The following JAZF1 variants were observed in gnomAD, a reference collection of about 807,000 sequenced individuals.
The protein encoded by JAZF1 is juxtaposed with another zinc finger protein 1.
Under a neutral mutation model 26.4 loss-of-function variants are expected in JAZF1, and 8 were observed. The observed-to-expected ratio is 0.30, with a 90% confidence interval of 0.18 to 0.55. JAZF1 has a LOEUF of 0.55. Ranked by LOEUF, JAZF1 falls within the 20% of genes least tolerant of loss-of-function variation. The pLI is 0.94. For missense variants in JAZF1, 199 were observed against 322.0 expected, an observed-to-expected ratio of 0.62 and a Z score of 2.92; for synonymous variants, 126 against 122.3, an observed-to-expected ratio of 1.03 and a Z score of -0.20.
intron 2 of JAZF1, among the ~76,000 whole-genome samples, chr7:27,959,262 G>C (rs1273694110): frequency 6.6e-6 from 1 of 152,142 alleles, no homozygotes; most frequent in Non-Finnish European, 1.5e-5. Flanking sequence ...AATACTTCTA[G>C]GCTAGTCATT....
chr7:28,117,214 ATACTT>A (rs1784761076), intron 1 of JAZF1, among the ~76,000 whole-genome samples: 1 of 152,106 alleles, frequency 6.6e-6, no homozygotes, highest in Non-Finnish European at 1.5e-5. Context: ...TCAGGTAAAA[ATACTT>A]TATTTGAATT....
intron 2 of JAZF1, among the ~76,000 whole-genome samples, chr7:27,901,847 G>T (rs1179642096): frequency 6.6e-6 from 1 of 152,126 alleles, no homozygotes; most frequent in Non-Finnish European, 1.5e-5. Flanking sequence ...CACTGCTAGG[G>T]TCCTTCCCAG....
At chr7:28,089,034 T>A (rs1426062979) in intron 1 of JAZF1, among the ~76,000 whole-genome samples, 1 of 152,122 alleles carries the variant, frequency 6.6e-6, no homozygotes, top group Admixed American at 6.5e-5. Context: ...CAAGACATAA[T>A]CTCCCATTTG....
intron 1 of JAZF1, among the ~76,000 whole-genome samples, chr7:28,092,143 A>G (rs1028478854): frequency 6.6e-6 from 1 of 152,026 alleles, no homozygotes; most frequent in Admixed American, 6.6e-5. Context: ...ATTTGTGTAT[A>G]TATGTAGACA....
chr7:27,832,225 C>T lies in JAZF1; in HGVS notation c.*575G>A, dbSNP rs73297549. ...ATAAAACACAGAAAGCACACCTTTACGTATGTTATTTAAATATGAAAATAT... is the reference window on the plus strand; with the variant it reads ...ATAAAACACAGAAAGCACACCTTTATGTATGTTATTTAAATATGAAAATAT... On this transcript the variant is annotated 3_prime_UTR_variant, in exon 5 of 5. Coordinates refer to ENST00000283928, the MANE Select transcript of JAZF1 (RefSeq NM_175061.4). 1,037 of 210,802 alleles carry T rather than the reference C, an allele frequency of 4.9e-3. 11 individuals carry two copies. The highest frequency in any genetic ancestry group is 0.022 in the African/African-American group (986 of 44,088). The allele number at this position is 210,802 out of a possible 1,614,324, so 13.1% of individuals were successfully genotyped here. A position where few individuals can be genotyped will look rare whatever the true frequency, so the allele number is the denominator to read the frequency against.
At chr7:27,838,428 C>T (rs1330221094) in intron 4 of JAZF1, among the ~76,000 whole-genome samples, 1 of 152,078 alleles carries the variant, frequency 6.6e-6, no homozygotes, top group African/African-American at 2.4e-5. Context: ...CTGTCTGATC[C>T]GTAAATGCCA....
At chr7:27,845,622 G>A (rs1266574508) in intron 3 of JAZF1, among the ~76,000 whole-genome samples, 4 of 150,256 alleles carry the variant, frequency 2.7e-5, no homozygotes, top group Non-Finnish European at 5.9e-5. Flanking sequence ...GCTTGAACCC[G>A]GGAGGCAGAG....
intron 2 of JAZF1, among the ~76,000 whole-genome samples, chr7:27,936,969 TA>T (rs1296593991): frequency 3.3e-5 from 5 of 152,250 alleles, no homozygotes; most frequent in African/African-American, 1.2e-4. Context: ...GCAAGTTAAA[TA>T]GATGCTTGGG....
At chr7:27,850,762 TTTTCTTTATCAAGG>T (rs1409828196) in intron 3 of JAZF1, among the ~76,000 whole-genome samples, 5 of 152,088 alleles carry the variant, frequency 3.3e-5, no homozygotes, top group African/African-American at 4.8e-5. Flanking sequence ...ATCATGACCT[TTTTCTTTATCAAGG>T]TTTCTTTATC....
rs201890931 is a variant in JAZF1 at position 28,093,668 on chromosome 7, G to A, written c.115+86795C>T. Among the ~76,000 whole-genome samples, 16 of 152,256 alleles carry A rather than the reference G, an allele frequency of 1.1e-4. No individual in the cohort carries two copies. In the East Asian group the frequency reaches 2.7e-3, roughly 26 times the overall value. On this transcript the variant is annotated intron_variant, in intron 1 of 4. Transcript: ENST00000283928. ...TAAAATCCAGTCAGCTCTCTCAGGC[G>A]GCGCGTTCACTGGGTTGTTTTGCCC...
chr7:28,090,206 G>A (rs1280333297), intron 1 of JAZF1, among the ~76,000 whole-genome samples: 4 of 152,186 alleles, frequency 2.6e-5, no homozygotes, highest in Admixed American at 2.6e-4. Flanking sequence ...CTATAGTGAA[G>A]ATTGGATAAG....
intron 2 of JAZF1, among the ~76,000 whole-genome samples, chr7:27,952,554 T>G (rs561914279): frequency 6.6e-6 from 1 of 152,230 alleles, no homozygotes. Context: ...GAAATACAGA[T>G]CTGGCTACAA....
At chr7:27,987,235 G>A (rs983796417) in intron 2 of JAZF1, among the ~76,000 whole-genome samples, 19 of 149,492 alleles carry the variant, frequency 1.3e-4, no homozygotes, top group African/African-American at 3.2e-4. Context: ...GCCGCCCATC[G>A]TCTGAGATGT....
At chr7:28,062,484 C>T (rs1367074430) in intron 1 of JAZF1, among the ~76,000 whole-genome samples, 1 of 152,072 alleles carries the variant, frequency 6.6e-6, no homozygotes, top group Non-Finnish European at 1.5e-5. Context: ...TGTCCTGAGG[C>T]TGAGTAACCA....
chr7:27,980,698 G>C (rs1259507193), intron 2 of JAZF1, among the ~76,000 whole-genome samples: 2 of 151,800 alleles, frequency 1.3e-5, no homozygotes, highest in Non-Finnish European at 2.9e-5. Flanking sequence ...TATTTCCCCT[G>C]AGGGGAAATA....
At chr7:28,078,310 C>T (rs1297524152) in intron 1 of JAZF1, among the ~76,000 whole-genome samples, 2 of 152,202 alleles carry the variant, frequency 1.3e-5, no homozygotes, top group East Asian at 3.8e-4. Flanking sequence ...GCATTAGTTT[C>T]TCCATCTATA....
At chr7:28,085,507 T>C (rs1784199761) in intron 1 of JAZF1, among the ~76,000 whole-genome samples, 1 of 152,248 alleles carries the variant, frequency 6.6e-6, no homozygotes, top group South Asian at 2.1e-4. Context: ...AACACTTAAA[T>C]CTTTTCCTGA....
At chr7:28,004,850 G>A (rs865883097) in intron 1 of JAZF1, among the ~76,000 whole-genome samples, 19 of 151,908 alleles carry the variant, frequency 1.3e-4, no homozygotes, top group Middle Eastern at 3.4e-3. Context: ...ATGGGGTTTC[G>A]CCATGTTGGC....
intron 1 of JAZF1, among the ~76,000 whole-genome samples, chr7:28,143,893 T>TA (rs1255458061): frequency 2.6e-5 from 4 of 152,230 alleles, no homozygotes; most frequent in Admixed American, 6.5e-5. Flanking sequence ...ATGTAAGCTC[T>TA]AGCAGATCAA....
Sources: gnomAD v4.1 joint callset for allele counts (sites outside exome capture counted in the v4.1 genomes callset) on GRCh38, gnomAD v4.1.1 for gene constraint, MANE v1.5 for transcripts, NCBI Gene and HGNC (gene_info 2026-07-23, HGNC 2026-07-21) for gene names.